ASPRV1: variants seen among roughly 807,000 people sequenced by gnomAD.
ASPRV1 encodes the protein retroviral-like aspartic protease 1.
Under a neutral mutation model 11.0 loss-of-function variants are expected in ASPRV1, and 7 were observed. The ratio of observed to expected loss-of-function variants is 0.64; its 90% CI spans 0.36 to 1.20. ASPRV1 has a LOEUF of 1.20. ASPRV1 is among the 50% of genes most tolerant of loss of function. The pLI, the probability that ASPRV1 is intolerant of heterozygous loss-of-function variation, is 0.02. For missense variants in ASPRV1, 299 were observed against 320.0 expected, an observed-to-expected ratio of 0.93 and a Z score of 0.50; for synonymous variants, 136 against 138.4, an observed-to-expected ratio of 0.98 and a Z score of 0.12.
the ASPRV1 span, among the ~76,000 whole-genome samples, chr2:70,026,191 C>T: frequency 6.6e-5 from 10 of 152,044 alleles, no homozygotes; most frequent in Non-Finnish European, 8.8e-5. Context: ...TGATGGCGCA[C>T]GCCTGTAATC....
chr2:70,081,917 G>C, the ASPRV1 span, among the ~76,000 whole-genome samples: 1 of 151,476 alleles, frequency 6.6e-6, no homozygotes, highest in African/African-American at 2.4e-5. Context: ...GAAATAGAAA[G>C]ATAAATCTTA....
chr2:70,066,973 G>A, the ASPRV1 span, among the ~76,000 whole-genome samples: 1 of 152,130 alleles, frequency 6.6e-6, no homozygotes, highest in Non-Finnish European at 1.5e-5. Context: ...AAGACTGGAA[G>A]CAGTGATGAT....
the ASPRV1 span, among the ~76,000 whole-genome samples, chr2:69,967,910 G>A: frequency 6.6e-6 from 1 of 151,848 alleles, no homozygotes; most frequent in Admixed American, 6.6e-5. Context: ...GTGAAACCCT[G>A]GCTCTACTAA....
chr2:70,042,559 G>A, the ASPRV1 span, among the ~76,000 whole-genome samples: 6 of 152,256 alleles, frequency 3.9e-5, no homozygotes, highest in African/African-American at 1.4e-4. Flanking sequence ...GTGAGATGGA[G>A]GGAAAGCAGA....
the ASPRV1 span, among the ~76,000 whole-genome samples, chr2:69,979,079 G>A: frequency 7.5e-4 from 114 of 152,276 alleles, no homozygotes; most frequent in Middle Eastern, 0.024. Context: ...TCTGTCACTA[G>A]GCTGGAGTGC....
the ASPRV1 span, among the ~76,000 whole-genome samples, chr2:69,992,008 C>T: frequency 1.3e-5 from 2 of 152,148 alleles, no homozygotes; most frequent in South Asian, 2.1e-4. Flanking sequence ...CCGTGGGGAA[C>T]GTGACCACCT....
At chr2:69,973,093 C>CAT in the ASPRV1 span, among the ~76,000 whole-genome samples, 2 of 152,156 alleles carry the variant, frequency 1.3e-5, no homozygotes, top group South Asian at 4.1e-4. Flanking sequence ...AAAATGCATG[C>CAT]ATATATACAC....
At chr2:69,988,136 T>C in the ASPRV1 span, among the ~76,000 whole-genome samples, 1 of 152,192 alleles carries the variant, frequency 6.6e-6, no homozygotes, top group Non-Finnish European at 1.5e-5. Flanking sequence ...AGAATTACCA[T>C]ATGATGCAGC....
At chr2:70,053,566 G>A in the ASPRV1 span, among the ~76,000 whole-genome samples, 5 of 152,078 alleles carry the variant, frequency 3.3e-5, no homozygotes, top group Non-Finnish European at 4.4e-5. Flanking sequence ...AATTTAAGAC[G>A]CCTAAAGCAC....
chr2:70,044,750 C>T, the ASPRV1 span, among the ~76,000 whole-genome samples: 1 of 152,212 alleles, frequency 6.6e-6, no homozygotes, highest in Non-Finnish European at 1.5e-5. Flanking sequence ...TGAGCCACCA[C>T]GCCTGGCTGA....
the ASPRV1 span, among the ~76,000 whole-genome samples, chr2:69,981,110 G>C: frequency 6.6e-6 from 1 of 152,170 alleles, no homozygotes; most frequent in Non-Finnish European, 1.5e-5. Flanking sequence ...CTTTTTTAAA[G>C]CTCACATTCT....
chr2:70,052,135 A>T, the ASPRV1 span, among the ~76,000 whole-genome samples: 1 of 152,196 alleles, frequency 6.6e-6, no homozygotes, highest in African/African-American at 2.4e-5. Flanking sequence ...AGAAAAGTAT[A>T]TATCAGATGA....
chr2:69,940,650 CTGTT>C, the ASPRV1 span: 1 of 152,660 alleles, frequency 6.6e-6, no homozygotes, highest in Non-Finnish European at 1.5e-5. Context: ...GACCTTTGCA[CTGTT>C]TGTCTGGTCC....
At chr2:70,076,770 G>A in the ASPRV1 span, among the ~76,000 whole-genome samples, 11 of 152,290 alleles carry the variant, frequency 7.2e-5, no homozygotes, top group African/African-American at 2.6e-4. Flanking sequence ...ACAGTACAGT[G>A]TGCAGTATTG....
At chr2:70,085,650 AG>A in the ASPRV1 span, 215 of 152,360 alleles carry the variant, frequency 1.4e-3, 1 homozygote, top group African/African-American at 5.0e-3. Flanking sequence ...AGAGAGAGAG[AG>A]AGATAAGAAC....
the ASPRV1 span, chr2:70,069,118 C>A: frequency 6.6e-6 from 1 of 152,192 alleles, no homozygotes; most frequent in African/African-American, 2.4e-5. Flanking sequence ...CCAGGCCTTA[C>A]CCAACAGCTG....
At chr2:70,001,706 G>A in the ASPRV1 span, among the ~76,000 whole-genome samples, 1 of 152,130 alleles carries the variant, frequency 6.6e-6, no homozygotes, top group Non-Finnish European at 1.5e-5. Context: ...GTTGCAGTGA[G>A]CCAAGATCTC....
the ASPRV1 span, among the ~76,000 whole-genome samples, chr2:70,020,070 A>G: frequency 2.6e-5 from 4 of 152,158 alleles, no homozygotes; most frequent in African/African-American, 9.7e-5. Flanking sequence ...CAAAACACAC[A>G]TTTTTTAAAA....
At chr2:70,027,266 A>AG in the ASPRV1 span, among the ~76,000 whole-genome samples, 1 of 150,948 alleles carries the variant, frequency 6.6e-6, no homozygotes, top group East Asian at 1.9e-4. Flanking sequence ...TCTCAAAAAA[A>AG]AAAAAAAAAA....
Sources: gnomAD v4.1 joint callset for allele counts (sites outside exome capture counted in the v4.1 genomes callset) on GRCh38, gnomAD v4.1.1 for gene constraint, MANE v1.5 for transcripts, NCBI Gene and HGNC (gene_info 2026-07-23, HGNC 2026-07-21) for gene names.